Variants in BCL2 observed in about 807,000 individuals in gnomAD.
BCL2 encodes the protein apoptosis regulator Bcl-2.
A neutral mutation model predicts 14.2 loss-of-function variants in BCL2; 1 was observed. The observed-to-expected ratio is 0.07, with a 90% CI of 0.02 to 0.33. BCL2 has a LOEUF of 0.33. Among genes scored for constraint, BCL2 ranks in the 10% least tolerant of loss-of-function variants. The pLI, the probability that BCL2 is intolerant of heterozygous loss-of-function variation, is 0.99. For synonymous variants in BCL2, 151 were observed against 137.2 expected (o/e 1.10, Z -0.70); for missense variants, 247 against 305.9 (o/e 0.81, Z 1.44).
intron 2 of BCL2, among the ~76,000 whole-genome samples, chr18:63,188,311 T>C (rs1417436068): frequency 6.6e-6 from 1 of 152,220 alleles, no homozygotes; most frequent in Non-Finnish European, 1.5e-5. Flanking sequence ...GCTGGCTGCA[T>C]GGCTTTAGCA....
At chr18:63,135,293 C>T (rs1914181100) in intron 2 of BCL2, among the ~76,000 whole-genome samples, 1 of 152,194 alleles carries the variant, frequency 6.6e-6, no homozygotes, top group Non-Finnish European at 1.5e-5. Flanking sequence ...TTCCTCTCTG[C>T]CCCAACTTGG....
At chr18:63,174,820 C>CAAAAA (rs953107518) in intron 2 of BCL2, among the ~76,000 whole-genome samples, 1,394 of 72,194 alleles carry the variant, frequency 0.019, 43 homozygotes, top group African/African-American at 0.06. Flanking sequence ...GACTTTGTCT[C>CAAAAA]AAAAAAAAAA....
intron 2 of BCL2, among the ~76,000 whole-genome samples, chr18:63,141,157 T>C (rs1914349048): frequency 6.6e-6 from 1 of 152,212 alleles, no homozygotes; most frequent in Non-Finnish European, 1.5e-5. Context: ...GTAGCGAACC[T>C]CTAAGAAGTC....
At chr18:63,161,811 G>A (rs1206116868) in intron 2 of BCL2, 4 of 152,214 alleles carry the variant, frequency 2.6e-5, no homozygotes, top group South Asian at 2.1e-4. Context: ...CAGGAGGTCT[G>A]AGTGCTTTAT....
At chr18:63,278,261 G>A (rs954375538) in intron 2 of BCL2, among the ~76,000 whole-genome samples, 1 of 152,084 alleles carries the variant, frequency 6.6e-6, no homozygotes, top group African/African-American at 2.4e-5. Flanking sequence ...AGCCCAAAAG[G>A]CCAAATACAG....
intron 2 of BCL2, among the ~76,000 whole-genome samples, chr18:63,223,898 AAGTCTCTACAGGAAAGAC>A (rs779935383): frequency 3.2e-4 from 48 of 152,358 alleles, no homozygotes; most frequent in South Asian, 1.0e-3. Flanking sequence ...CATGCAAGGA[AAGTCTCTACAGGAAAGAC>A]AGAGTTCAAA....
At chr18:63,303,924 T>C (rs1428944062) in intron 2 of BCL2, among the ~76,000 whole-genome samples, 1 of 152,228 alleles carries the variant, frequency 6.6e-6, no homozygotes, top group Non-Finnish European at 1.5e-5. Flanking sequence ...ATATTGTTCA[T>C]GGTAACTCAT....
At chr18:63,275,317 A>G (rs1912122660) in intron 2 of BCL2, among the ~76,000 whole-genome samples, 1 of 152,132 alleles carries the variant, frequency 6.6e-6, no homozygotes, top group African/African-American at 2.4e-5. Context: ...CATGTTAAAT[A>G]AGGTTAGATT....
chr18:63,264,340 C>T (rs1911754301), intron 2 of BCL2, among the ~76,000 whole-genome samples: 1 of 152,174 alleles, frequency 6.6e-6, no homozygotes, highest in African/African-American at 2.4e-5. Flanking sequence ...TAACATTTTA[C>T]ACACCCCCTG....
At chr18:63,297,968 G>T (rs1355694597) in intron 2 of BCL2, among the ~76,000 whole-genome samples, 1 of 152,128 alleles carries the variant, frequency 6.6e-6, no homozygotes, top group Non-Finnish European at 1.5e-5. Flanking sequence ...ATTCTATTAG[G>T]CAAATTTGCA....
intron 2 of BCL2, chr18:63,317,833 A>G: frequency 7.2e-7 from 1 of 1,384,694 alleles, no homozygotes; most frequent in Non-Finnish European, 9.3e-7. Context: ...ACTGGATTAC[A>G]AACGCTAGAT....
Position 63,127,695 on chromosome 18 carries a change from CT to C in BCL2, c.*929del. The C allele has an allele frequency of 4.4e-6, 1 of 228,060 alleles. No homozygotes were observed. Among genetic ancestry groups the C allele is most frequent in the Non-Finnish European group, 8.7e-6 (1 of 114,722 alleles). 14.1% of individuals were successfully genotyped at this position (228,060 alleles called of 1,614,324 possible). A position where few individuals can be genotyped will look rare whatever the true frequency, so the allele number is the denominator to read the frequency against. Reference sequence around the variant, plus strand: ...CAGGCACTTGTGGCGGCCTGATGCTCTGGGTAACTCTAGCCTTCCTGATGCG... The same window carrying C: ...CAGGCACTTGTGGCGGCCTGATGCTCGGGTAACTCTAGCCTTCCTGATGCG... On this transcript the variant is annotated 3_prime_UTR_variant, in exon 3 of 3. Transcript: ENST00000333681.
intron 2 of BCL2, among the ~76,000 whole-genome samples, chr18:63,171,212 T>C (rs954979407): frequency 2.1e-4 from 32 of 152,338 alleles, no homozygotes; most frequent in African/African-American, 6.7e-4. Context: ...TTTTCAAGTA[T>C]CAGTCCCTGT....
chr18:63,198,970 GAC>G (rs1269453647), intron 2 of BCL2, among the ~76,000 whole-genome samples: 1 of 100,556 alleles, frequency 9.9e-6, no homozygotes, highest in Non-Finnish European at 2.1e-5. Flanking sequence ...GACACACACT[GAC>G]ACACAGACAC....
At chr18:63,261,949 T>C (rs1319561400) in intron 2 of BCL2, among the ~76,000 whole-genome samples, 10 of 152,150 alleles carry the variant, frequency 6.6e-5, no homozygotes, top group Non-Finnish European at 1.2e-4. Flanking sequence ...CCAGTTAATG[T>C]TTGTATTTTT....
chr18:63,252,621 G>C (rs977250566), intron 2 of BCL2, among the ~76,000 whole-genome samples: 1 of 152,156 alleles, frequency 6.6e-6, no homozygotes. Flanking sequence ...CTCTTTGCCT[G>C]CCACCATCCA....
intron 2 of BCL2, among the ~76,000 whole-genome samples, chr18:63,294,877 T>A (rs1261227942): frequency 2.0e-5 from 3 of 151,894 alleles, no homozygotes; most frequent in Admixed American, 6.6e-5. Context: ...TAATTATAAT[T>A]TGGCTGAGTT....
chr18:63,132,329 C>T (rs571091764), intron 2 of BCL2, among the ~76,000 whole-genome samples: 1 of 152,348 alleles, frequency 6.6e-6, no homozygotes, highest in Non-Finnish European at 1.5e-5. Flanking sequence ...AGAACAAACA[C>T]CTTGCTCTTG....
chr18:63,179,857 T>C (rs1018969371), intron 2 of BCL2, among the ~76,000 whole-genome samples: 1 of 152,226 alleles, frequency 6.6e-6, no homozygotes, highest in African/African-American at 2.4e-5. Context: ...GAATGCAGCA[T>C]AGCACACAGT....
Sources: gnomAD v4.1 joint callset for allele counts (sites outside exome capture counted in the v4.1 genomes callset) on GRCh38, gnomAD v4.1.1 for gene constraint, MANE v1.5 for transcripts, NCBI Gene and HGNC (gene_info 2026-07-23, HGNC 2026-07-21) for gene names.